PHKA1: variants seen among roughly 807,000 people sequenced by gnomAD.
PHKA1 encodes phosphorylase b kinase regulatory subunit alpha, skeletal muscle isoform.
PHKA1 carries 60 observed loss-of-function variants against 110.2 expected under a neutral mutation model. The observed-to-expected ratio is 0.54, with a 90% CI of 0.44 to 0.68. PHKA1 has a LOEUF of 0.68. Ranked by LOEUF, PHKA1 falls within the 30% of genes least tolerant of loss-of-function variation. PHKA1 has a pLI of 0.00. For synonymous variants in PHKA1, 316 were observed against 333.6 expected, an observed-to-expected ratio of 0.95 and a Z score of 0.58; for missense variants, 801 against 942.5, an observed-to-expected ratio of 0.85 and a Z score of 1.97.
intron 18 of PHKA1, chrX:72,622,795 T>C: frequency 1.3e-6 from 1 of 751,266 alleles, no homozygotes; most frequent in Non-Finnish European, 1.6e-6. Flanking sequence ...ACTTCATACT[T>C]GATTAATCAT....
chrX:72,629,408 TAC>T (rs1481302364), intron 16 of PHKA1, among the ~76,000 whole-genome samples: 4 of 112,011 alleles, frequency 3.6e-5, no homozygotes, highest in African/African-American at 1.3e-4. Flanking sequence ...GGTATTCTTT[TAC>T]AGTGTTTAAA....
chrX:72,704,457 A>G (rs962608303), intron 3 of PHKA1, among the ~76,000 whole-genome samples: 5 of 111,641 alleles, frequency 4.5e-5, no homozygotes, highest in Non-Finnish European at 9.4e-5. Context: ...TATACCATAC[A>G]CCATATAATT....
intron 5 of PHKA1, among the ~76,000 whole-genome samples, chrX:72,679,188 T>C (rs781885686): frequency 9.8e-5 from 11 of 111,706 alleles, no homozygotes; most frequent in Admixed American, 3.8e-4. Flanking sequence ...AACTTCATAA[T>C]TCAGGGGGCA....
chrX:72,667,314 G>T, intron 7 of PHKA1, 61 bp downstream of exon 7: 1 of 831,816 alleles, frequency 1.2e-6, no homozygotes, highest in Non-Finnish European at 1.8e-6. Flanking sequence ...TAAAGCTCAT[G>T]CTTAAATCTG....
chrX:72,698,681 C>T (rs1490970916), intron 3 of PHKA1, among the ~76,000 whole-genome samples: 2 of 112,438 alleles, frequency 1.8e-5, no homozygotes, highest in African/African-American at 6.5e-5. Flanking sequence ...ACCGTAACTT[C>T]GAATCTTGTG....
chrX:72,658,459 A>C (rs1255361042), intron 8 of PHKA1, among the ~76,000 whole-genome samples: 1 of 83,883 alleles, frequency 1.2e-5, no homozygotes, highest in Non-Finnish European at 2.2e-5. Context: ...ACTTTGTTTC[A>C]AAAAAAAAAA....
chrX:72,583,625 C>A (rs1603249435), intron 30 of PHKA1, among the ~76,000 whole-genome samples: 1 of 112,405 alleles, frequency 8.9e-6, no homozygotes, highest in South Asian at 3.7e-4. Context: ...CATGCTAACA[C>A]TAGCTCCTTT....
Position 72,635,372 on chromosome X carries a change from T to C in PHKA1, c.1570-73A>G, listed in dbSNP as rs4825955. ...ATCAAGTAATATTTTAAACTACTCA[T>C]ATATTCAGAAGAGTATCCAAGATGT... On this transcript the variant is annotated intron_variant, in intron 15 of 31. Transcript: ENST00000373542. The C allele has an allele frequency of 0.063, 61,862 of 981,853 alleles. 8,003 individuals are homozygous for C. The East Asian group carries it at 0.69, about 11-fold the overall frequency. 80.9% of individuals were successfully genotyped at this position (981,853 alleles called of 1,213,427 possible). A position where few individuals can be genotyped will look rare whatever the true frequency, so the allele number is the denominator to read the frequency against.
intron 23 of PHKA1, among the ~76,000 whole-genome samples, chrX:72,607,135 T>C (rs1174803825): frequency 8.9e-6 from 1 of 111,999 alleles, no homozygotes; most frequent in Non-Finnish European, 1.9e-5. Context: ...GATGGACACT[T>C]AGGTTGCTTC....
At position 72,712,802 on chromosome X, in the gene PHKA1, C is replaced by T; in HGVS notation, c.214G>A (p.Ala72Thr). 1.7e-6 allele frequency: 2 copies of T among 1,210,119 alleles called. No individual in the cohort carries two copies. The highest frequency in any genetic ancestry group is 2.2e-6 in the Non-Finnish European group (2 of 894,276). ...RKNADRDEDK[A>T]KAYELEQSVV... ...ACCTGCTCCAATTCATAGGCCTTTG[C>T]CTTATCCTCATCCCGGTCTGCATTC... The change falls in exon 2 of 32, where the codon GCA (alanine) becomes ACA (threonine). Residue 72 changes from alanine (A) to threonine (T), a missense_variant. Ala to Thr is a moderately conservative substitution (Grantham distance 58). Transcript: ENST00000373542.
intron 23 of PHKA1, among the ~76,000 whole-genome samples, chrX:72,609,249 C>T (rs1241052378): frequency 2.7e-5 from 3 of 111,950 alleles, no homozygotes; most frequent in African/African-American, 9.8e-5. Flanking sequence ...TTGACTATGA[C>T]CTCCATCCCC....
intron 6 of PHKA1, among the ~76,000 whole-genome samples, chrX:72,671,021 G>C (rs2053687986): frequency 9.0e-6 from 1 of 111,687 alleles, no homozygotes; most frequent in South Asian, 3.8e-4. Context: ...TTTGAAAACT[G>C]GAACAAGACA....
chrX:72,590,289 A>T (rs2052500090), intron 29 of PHKA1, among the ~76,000 whole-genome samples: 1 of 111,645 alleles, frequency 9.0e-6, no homozygotes, highest in African/African-American at 3.3e-5. Flanking sequence ...CAACCATCTC[A>T]TCTTTGACAA....
chrX:72,593,305 A>G, intron 28 of PHKA1, 31 bp from the exon 29 acceptor site: 1 of 1,097,806 alleles, frequency 9.1e-7, no homozygotes, highest in Non-Finnish European at 1.3e-6. Context: ...AACATAAATC[A>G]AAAGTTATCT....
chrX:72,706,509 C>T (rs1286729092), intron 2 of PHKA1, among the ~76,000 whole-genome samples: 1 of 111,528 alleles, frequency 9.0e-6, no homozygotes, highest in Non-Finnish European at 1.9e-5. Context: ...AATTCTGATA[C>T]ATGTCACCAC....
intron 5 of PHKA1, among the ~76,000 whole-genome samples, chrX:72,676,584 A>G (rs1297920563): frequency 8.9e-6 from 1 of 111,912 alleles, no homozygotes; most frequent in African/African-American, 3.3e-5. Context: ...TACGCATTTT[A>G]CATTATCTTT....
intron 5 of PHKA1, among the ~76,000 whole-genome samples, chrX:72,682,098 C>T (rs1603270764): frequency 2.2e-5 from 2 of 91,931 alleles, no homozygotes; most frequent in African/African-American, 8.0e-5. Context: ...GCCCCCCGCC[C>T]GGCCAGCCGC....
intron 28 of PHKA1, chrX:72,599,938 G>A: frequency 2.1e-6 from 1 of 486,733 alleles, no homozygotes; most frequent in Non-Finnish European, 3.7e-6. Flanking sequence ...GTACTTTTAA[G>A]TCACTAGTGG....
intron 29 of PHKA1, among the ~76,000 whole-genome samples, chrX:72,588,201 A>C (rs1243471859): frequency 1.8e-5 from 2 of 112,314 alleles, no homozygotes; most frequent in African/African-American, 6.5e-5. Flanking sequence ...TTCTCAGCAA[A>C]TGTAAAACAG....
Sources: allele counts gnomAD v4.1 joint callset (sites outside exome capture counted in the v4.1 genomes callset), GRCh38; gene constraint gnomAD v4.1.1; transcripts MANE v1.5; gene names NCBI Gene and HGNC (gene_info 2026-07-23, HGNC 2026-07-21).